SFRP1: variants seen among roughly 807,000 people sequenced by gnomAD.
The protein encoded by SFRP1 is secreted frizzled related protein 1.
SFRP1 carries 9 observed loss-of-function variants against 25.9 expected under a neutral mutation model. The ratio of observed to expected loss-of-function variants is 0.35; its 90% CI spans 0.21 to 0.61. The LOEUF is 0.61. SFRP1 is among the 20% of genes least tolerant of loss of function. SFRP1 has a pLI of 0.78. For missense variants in SFRP1, 346 were observed against 418.2 expected (o/e 0.83, Z 1.51); for synonymous variants, 178 against 174.0 (o/e 1.02, Z -0.18).
intron 2 of SFRP1, among the ~76,000 whole-genome samples, chr8:41,272,431 G>A (rs112697455): frequency 0.029 from 4,394 of 152,258 alleles, 121 homozygotes; most frequent in Non-Finnish European, 0.037. Context: ...CCAACGTGGC[G>A]AAACCCCGTC....
At chr8:41,279,258 C>T (rs1803606411) in intron 2 of SFRP1, among the ~76,000 whole-genome samples, 1 of 152,146 alleles carries the variant, frequency 6.6e-6, no homozygotes, top group Non-Finnish European at 1.5e-5. Flanking sequence ...CCCGGATGTT[C>T]AAAGACTCAC....
chr8:41,290,884 G>GTTTTTTTTTTTTTTTTTTTTT (rs1395442969), intron 2 of SFRP1, among the ~76,000 whole-genome samples: 1 of 27,468 alleles, frequency 3.6e-5, no homozygotes, highest in Non-Finnish European at 8.3e-5. Flanking sequence ...CCTCTTCCTC[G>GTTTTTTTTTTTTTTTTTTTTT]TCTTTTTTTT....
chr8:41,309,223 C>T lies in SFRP1; in HGVS notation c.-64G>A. ...CCTCCGCCGCCTCCCCGCGCGCGTC[C>T]TGCCGCAAACTTCCAGGGACCTCCG... On this transcript the variant is annotated 5_prime_UTR_variant, in exon 1 of 3. Coordinates refer to ENST00000220772, the MANE Select transcript of SFRP1 (RefSeq NM_003012.5). 1 of 1,264,148 alleles carries T rather than the reference C, an allele frequency of 7.9e-7. No individual in the cohort carries two copies. The allele number at this position is 1,264,148 out of a possible 1,614,324, so 78.3% of individuals were successfully genotyped here.
chr8:41,265,638 A>G, intron 2 of SFRP1, 149 bp from the exon 3 acceptor site: 1 of 598,918 alleles, frequency 1.7e-6, no homozygotes, highest in Non-Finnish European at 2.7e-6. Context: ...TATGTTTTTA[A>G]TTTTAGATTC....
rs529881319 is a variant in SFRP1 at position 41,262,842 on chromosome 8, G to C, written c.*2325C>G. On this transcript the variant is annotated 3_prime_UTR_variant, in exon 3 of 3. Transcript: ENST00000220772. ...GTTCTGAAATTGCTGATGTGACAGA[G>C]ACAAAGCTGCTATGGGTCTAAAACC... 6.6e-6 allele frequency: 1 copy of C among 152,304 alleles called. No individual in the cohort carries two copies. The highest frequency in any genetic ancestry group is 2.4e-5 in the African/African-American group (1 of 41,564). The allele number at this position is 152,304 out of a possible 1,614,324, so 9.4% of individuals were successfully genotyped here.
chr8:41,293,392 A>G (rs1803801780), intron 2 of SFRP1, among the ~76,000 whole-genome samples: 1 of 152,230 alleles, frequency 6.6e-6, no homozygotes, highest in Non-Finnish European at 1.5e-5. Context: ...TAGAATGCGA[A>G]GCGAGTTGTT....
chr8:41,286,194 G>A (rs1380406347), intron 2 of SFRP1, among the ~76,000 whole-genome samples: 4 of 152,094 alleles, frequency 2.6e-5, no homozygotes, highest in East Asian at 3.9e-4. Flanking sequence ...GCCTATTCCC[G>A]ACTTCGAGTA....
intron 2 of SFRP1, among the ~76,000 whole-genome samples, chr8:41,295,224 G>A (rs973302398): frequency 7.9e-5 from 12 of 152,184 alleles, no homozygotes; most frequent in Admixed American, 5.2e-4. Flanking sequence ...AGCCAGGCAT[G>A]GTGGTGCGTG....
intron 2 of SFRP1, among the ~76,000 whole-genome samples, chr8:41,295,171 G>A (rs1803827576): frequency 6.6e-6 from 1 of 152,118 alleles, no homozygotes. Context: ...GACCAGCCTG[G>A]CCAACATGGT....
Position 41,263,426 on chromosome 8 carries a change from G to A in SFRP1, c.*1741C>T, listed in dbSNP as rs1379940637. On this transcript the variant is annotated 3_prime_UTR_variant, in exon 3 of 3. Coordinates refer to ENST00000220772, the MANE Select transcript of SFRP1 (RefSeq NM_003012.5). ...ATTTATCAGGATAACTCTCCGGTAG[G>A]TAACTAGGCGGGCATGCTGATTTTC... The A allele has an allele frequency of 6.6e-6, 1 of 152,210 alleles. No individual in the cohort carries two copies. The allele number at this position is 152,210 out of a possible 1,614,324, so 9.4% of individuals were successfully genotyped here. A position where few individuals can be genotyped will look rare whatever the true frequency, so the allele number is the denominator to read the frequency against.
intron 2 of SFRP1, among the ~76,000 whole-genome samples, chr8:41,277,708 A>G (rs1803588005): frequency 6.6e-6 from 1 of 152,200 alleles, no homozygotes; most frequent in African/African-American, 2.4e-5. Context: ...CTTGAACTCC[A>G]GGGCTCAAAG....
At chr8:41,281,009 A>G (rs1803628875) in intron 2 of SFRP1, among the ~76,000 whole-genome samples, 1 of 152,246 alleles carries the variant, frequency 6.6e-6, no homozygotes, top group South Asian at 2.1e-4. Context: ...AAGATAGTCA[A>G]CATCCAGGTT....
intron 2 of SFRP1, chr8:41,271,522 G>A (rs1208596984): frequency 5.3e-6 from 1 of 187,074 alleles, no homozygotes; most frequent in African/African-American, 2.3e-5. Context: ...TGTGCTGCCA[G>A]TGTTTCCATC....
chr8:41,268,173 T>A (rs1417690223), intron 2 of SFRP1, among the ~76,000 whole-genome samples: 1 of 152,224 alleles, frequency 6.6e-6, no homozygotes, highest in East Asian at 1.9e-4. Flanking sequence ...CAGATGAGAA[T>A]GGGATATGTC....
At chr8:41,302,190 T>G (rs550282834) in intron 2 of SFRP1, among the ~76,000 whole-genome samples, 2 of 152,360 alleles carry the variant, frequency 1.3e-5, no homozygotes, top group African/African-American at 4.8e-5. Context: ...TAACTCACAC[T>G]GCTGCATCAC....
chr8:41,275,034 G>C (rs1311443692), intron 2 of SFRP1: 3 of 280,020 alleles, frequency 1.1e-5, no homozygotes, highest in Non-Finnish European at 1.4e-5. Flanking sequence ...AGGAGGAGGA[G>C]GGAGGCAGTC....
intron 2 of SFRP1, 42 bp from the exon 3 acceptor site, chr8:41,265,531 G>T: frequency 6.9e-7 from 1 of 1,451,208 alleles, no homozygotes; most frequent in Non-Finnish European, 9.3e-7. Flanking sequence ...GAGGGTAAGA[G>T]AAAGCATTTA....
In SFRP1 at chr8:41,308,694, T is replaced by C. The variant is rs1300715645; in HGVS notation, c.466A>G (p.Lys156Glu). The change falls in exon 1 of 3, where the codon AAG becomes GAG. Residue 156 changes from lysine to glutamate, a missense_variant. Physicochemically the swap from Lys to Glu is moderately conservative, Grantham distance 56. Coordinates refer to ENST00000220772, the MANE Select transcript of SFRP1 (RefSeq NM_003012.5). The stretch of plus-strand genomic sequence containing the variant: ...TCCCCCTCGGGGAACTTGTCACACT[T>C]AAGCATCTCGGGCCAGTAGAAGCCG... ...FFGFYWPEML[K>E]CDKFPEGDVC... 3.1e-6 allele frequency: 5 copies of C among 1,611,564 alleles called. No homozygotes were observed. The highest frequency in any genetic ancestry group is 1.1e-5 in the South Asian group (1 of 90,648).
At position 41,275,986 on chromosome 8, in the gene SFRP1, G is replaced by A. The variant is rs1043869363; in HGVS notation, c.623-10497C>T. On this transcript the variant is annotated intron_variant, in intron 2 of 2. Transcript: ENST00000220772. ...TGGTCTCGAACTCCTGAGCTCAAGT[G>A]ATCCTCCCACCTCAGCCTCTCAAAG... is the stretch of plus-strand genomic sequence containing the variant. 2.6e-5 allele frequency among the ~76,000 whole-genome samples: 4 copies of A among 152,252 alleles called. No homozygotes were observed. In the East Asian group the frequency reaches 5.8e-4, roughly 22 times the overall value.
Sources: gnomAD v4.1 joint callset for allele counts (sites outside exome capture counted in the v4.1 genomes callset) on GRCh38, gnomAD v4.1.1 for gene constraint, MANE v1.5 for transcripts, NCBI Gene and HGNC (gene_info 2026-07-23, HGNC 2026-07-21) for gene names.